CNTNAP5: variants seen among roughly 807,000 people sequenced by gnomAD.
The protein encoded by CNTNAP5 is contactin-associated protein-like 5.
In CNTNAP5, 72 loss-of-function variants were observed where a neutral mutation model predicts 150.2. The ratio of observed to expected loss-of-function variants is 0.48; its 90% confidence interval spans 0.40 to 0.58. The LOEUF (loss-of-function observed/expected upper bound fraction) is 0.58. Ranked by LOEUF, CNTNAP5 falls within the 20% of genes least tolerant of loss-of-function variation. CNTNAP5 has a pLI of 0.00. For missense variants in CNTNAP5, 1,636 were observed against 1,626.2 expected, an observed-to-expected ratio of 1.01 and a Z score of -0.10; for synonymous variants, 672 against 619.8, an observed-to-expected ratio of 1.08 and a Z score of -1.25.
chr2:124,614,035 G>A (rs1677444208), intron 12 of CNTNAP5, among the ~76,000 whole-genome samples: 1 of 152,110 alleles, frequency 6.6e-6, no homozygotes, highest in South Asian at 2.1e-4. Flanking sequence ...AGCTTCCAGA[G>A]GAACACACAC....
At chr2:124,097,864 T>TA in intron 1 of CNTNAP5, among the ~76,000 whole-genome samples, 1 of 152,192 alleles carries the variant, frequency 6.6e-6, no homozygotes, top group South Asian at 2.1e-4. Flanking sequence ...CCGTCTCTAC[T>TA]AAAAATACAA....
chr2:124,502,545 C>A (rs1694301454), intron 7 of CNTNAP5, among the ~76,000 whole-genome samples: 1 of 152,148 alleles, frequency 6.6e-6, no homozygotes, highest in Non-Finnish European at 1.5e-5. Context: ...TGTGTTCTGG[C>A]AGATTTGTTT....
intron 1 of CNTNAP5, among the ~76,000 whole-genome samples, chr2:124,038,851 G>A (rs144453119): frequency 6.6e-6 from 1 of 152,280 alleles, no homozygotes; most frequent in Non-Finnish European, 1.5e-5. Flanking sequence ...ATTTGAGGAA[G>A]AGTGGGGATG....
intron 1 of CNTNAP5, among the ~76,000 whole-genome samples, chr2:124,088,763 G>C (rs552925918): frequency 6.6e-6 from 1 of 152,204 alleles, no homozygotes; most frequent in Non-Finnish European, 1.5e-5. Context: ...CTGTCTGTAG[G>C]GAGCATATTC....
chr2:124,127,987 G>C (rs1683752106), intron 1 of CNTNAP5, among the ~76,000 whole-genome samples: 2 of 152,136 alleles, frequency 1.3e-5, no homozygotes, highest in African/African-American at 4.8e-5. Flanking sequence ...TACCATTCAG[G>C]ACATAGGCTT....
intron 17 of CNTNAP5, among the ~76,000 whole-genome samples, chr2:124,784,152 G>A (rs1681514376): frequency 6.6e-6 from 1 of 152,114 alleles, no homozygotes; most frequent in South Asian, 2.1e-4. Flanking sequence ...AATAAAGTAA[G>A]GCAGGAAGAA....
At chr2:124,081,712 A>T (rs538926585) in intron 1 of CNTNAP5, among the ~76,000 whole-genome samples, 10 of 152,282 alleles carry the variant, frequency 6.6e-5, no homozygotes, top group African/African-American at 2.4e-4. Context: ...AAAGTTTTTT[A>T]CAAGGAGGAC....
intron 19 of CNTNAP5, among the ~76,000 whole-genome samples, chr2:124,863,463 G>A (rs530537413): frequency 9.8e-4 from 149 of 152,176 alleles, no homozygotes; most frequent in African/African-American, 3.3e-3. Flanking sequence ...AATAATATCC[G>A]GAAATCTGCG....
chr2:124,045,952 C>G (rs1018864216), intron 1 of CNTNAP5, among the ~76,000 whole-genome samples: 1 of 152,138 alleles, frequency 6.6e-6, no homozygotes, highest in African/African-American at 2.4e-5. Flanking sequence ...TGTATATCTG[C>G]ATATTTGCAT....
chr2:124,145,812 T>TAAAAAAAAAAAAAAAAAA, intron 1 of CNTNAP5, among the ~76,000 whole-genome samples: 6 of 64,174 alleles, frequency 9.3e-5, no homozygotes, highest in East Asian at 4.6e-4. Flanking sequence ...AAAAAAACAT[T>TAAAAAAAAAAAAAAAAAA]AAAAAAAAAA....
At position 124,772,917 on chromosome 2, in the gene CNTNAP5, C is replaced by T. The variant is rs1681235998; in HGVS notation, c.2652C>T (p.Leu884=). 2 of 1,613,594 alleles carry T rather than the reference C, an allele frequency of 1.2e-6. No homozygotes were observed. The highest frequency in any genetic ancestry group is 2.2e-5 in the East Asian group (1 of 44,860). Reference sequence around the variant, plus strand: ...ACTATGTCCGGGCTGAGAGGAACCTCAAGGAGACCTCCCTGCAGGTGGACA... The same window carrying T: ...ACTATGTCCGGGCTGAGAGGAACCTTAAGGAGACCTCCCTGCAGGTGGACA... The part of the protein sequence containing the change: ...QWHYVRAERN[L]KETSLQVDNL... The change falls in exon 17 of 24, where the codon CTC becomes CTT. Residue 884 remains leucine, a synonymous_variant. Coordinates refer to ENST00000682447, the MANE Select transcript of CNTNAP5 (RefSeq NM_001367498.1).
intron 19 of CNTNAP5, among the ~76,000 whole-genome samples, chr2:124,838,949 C>G (rs1334510688): frequency 6.6e-6 from 1 of 152,028 alleles, no homozygotes; most frequent in East Asian, 1.9e-4. Flanking sequence ...TCTGTCTTCC[C>G]AGAGCTCACA....
At chr2:124,848,975 A>G (rs1056162763) in intron 19 of CNTNAP5, among the ~76,000 whole-genome samples, 3 of 152,104 alleles carry the variant, frequency 2.0e-5, no homozygotes, top group Admixed American at 6.6e-5. Context: ...TATATTGTGC[A>G]GAAACTTCTT....
intron 1 of CNTNAP5, among the ~76,000 whole-genome samples, chr2:124,216,795 G>A (rs528225890): frequency 1.7e-3 from 264 of 152,260 alleles, no homozygotes; most frequent in Middle Eastern, 3.4e-3. Context: ...ATCATTGATG[G>A]ACATTTGAGT....
In CNTNAP5 at chr2:124,553,162, A is replaced by G. The variant is rs528804297; in HGVS notation, c.1650-10055A>G. ...ATATGCTGCATGAGCAGAAAGTATTATAACACAAAACACTGGCAAAGGCTG... is the reference window on the plus strand; with the variant it reads ...ATATGCTGCATGAGCAGAAAGTATTGTAACACAAAACACTGGCAAAGGCTG... On this transcript the variant is annotated intron_variant, in intron 10 of 23. Transcript: ENST00000682447. Among the ~76,000 whole-genome samples the G allele has an allele frequency of 3.3e-4, 50 of 152,320 alleles. No individual in the cohort carries two copies. The South Asian group carries it at 8.7e-3, about 27-fold the overall frequency.
chr2:124,609,728 G>A (rs565305944), intron 11 of CNTNAP5, 73 bp from the exon 12 acceptor site: 8 of 1,536,262 alleles, frequency 5.2e-6, no homozygotes, highest in Non-Finnish European at 7.1e-6. Context: ...AATCTAAGTA[G>A]GAGTTACTGA....
intron 3 of CNTNAP5, among the ~76,000 whole-genome samples, chr2:124,249,291 A>AATCC (rs1261207513): frequency 6.6e-6 from 1 of 152,190 alleles, no homozygotes; most frequent in Non-Finnish European, 1.5e-5. Context: ...TTGTGGGGAA[A>AATCC]ATCCACATTC....
intron 1 of CNTNAP5, among the ~76,000 whole-genome samples, chr2:124,064,688 A>G (rs937523273): frequency 4.6e-5 from 7 of 152,024 alleles, no homozygotes; most frequent in Admixed American, 1.3e-4. Context: ...AATAATGTCT[A>G]CCTCTCCCAT....
At chr2:124,360,380 G>C (rs1159261171) in intron 3 of CNTNAP5, among the ~76,000 whole-genome samples, 1 of 148,540 alleles carries the variant, frequency 6.7e-6, no homozygotes, top group Non-Finnish European at 1.5e-5. Flanking sequence ...ATGCTCGTTA[G>C]TTGATGCAGT....
Sources: gnomAD v4.1 joint callset for allele counts (sites outside exome capture counted in the v4.1 genomes callset) on GRCh38, gnomAD v4.1.1 for gene constraint, MANE v1.5 for transcripts, NCBI Gene and HGNC (gene_info 2026-07-23, HGNC 2026-07-21) for gene names.